Variants in ACOXL observed in about 807,000 individuals in gnomAD.
ACOXL encodes the protein acyl-CoA oxidase like, also known as acyl-coenzyme A oxidase-like protein.
Under a neutral mutation model 71.9 loss-of-function variants are expected in ACOXL, and 70 were observed. That is an observed-to-expected ratio of 0.97 (90% CI 0.80 to 1.19). The LOEUF is 1.19. Ranked by LOEUF, ACOXL falls within the 50% of genes most tolerant of loss-of-function variation. The pLI is 0.00. For synonymous variants in ACOXL, 253 were observed against 281.6 expected (o/e 0.90, Z 1.02); for missense variants, 703 against 736.3 (o/e 0.95, Z 0.52).
intron 1 of ACOXL, among the ~76,000 whole-genome samples, chr2:110,757,805 A>G (rs1447213059): frequency 6.6e-6 from 1 of 151,708 alleles, no homozygotes; most frequent in East Asian, 1.9e-4. Context: ...GACTTTCGTC[A>G]GATAGATCGA....
At chr2:110,861,143 A>T (rs575515275) in intron 10 of ACOXL, among the ~76,000 whole-genome samples, 1 of 152,288 alleles carries the variant, frequency 6.6e-6, no homozygotes, top group Admixed American at 6.5e-5. Context: ...CAACAACAAC[A>T]TCAACAATAA....
intron 10 of ACOXL, among the ~76,000 whole-genome samples, chr2:110,896,547 C>A (rs1023834713): frequency 7.2e-5 from 11 of 151,946 alleles, no homozygotes; most frequent in Admixed American, 7.2e-4. Context: ...ACATATCGTG[C>A]AAAGATTTGC....
At chr2:110,947,293 T>G (rs879900019) in intron 12 of ACOXL, among the ~76,000 whole-genome samples, 3 of 152,216 alleles carry the variant, frequency 2.0e-5, no homozygotes, top group Non-Finnish European at 4.4e-5. Context: ...CAAGCAAACC[T>G]AGATTGAATT....
At chr2:111,042,977 G>C (rs2065854731) in intron 15 of ACOXL, among the ~76,000 whole-genome samples, 1 of 152,218 alleles carries the variant, frequency 6.6e-6, no homozygotes, top group South Asian at 2.1e-4. Context: ...CCTGGAGGAA[G>C]CTGTCCCTTG....
At chr2:110,987,938 T>G (rs2063003856) in intron 13 of ACOXL, among the ~76,000 whole-genome samples, 2 of 152,138 alleles carry the variant, frequency 1.3e-5, no homozygotes, top group South Asian at 4.1e-4. Context: ...ACAAGAGTTT[T>G]TATAGGGCTT....
At chr2:111,102,856 A>G (rs1268389934) in intron 17 of ACOXL, among the ~76,000 whole-genome samples, 1 of 152,178 alleles carries the variant, frequency 6.6e-6, no homozygotes, top group African/African-American at 2.4e-5. Context: ...ATGTGTTTGT[A>G]GTTGCTTTTC....
At chr2:110,938,914 A>G (rs932849554) in intron 12 of ACOXL, among the ~76,000 whole-genome samples, 10 of 152,016 alleles carry the variant, frequency 6.6e-5, no homozygotes, top group Admixed American at 6.6e-5. Context: ...CCTACAGACT[A>G]CTCATAATGA....
At chr2:110,951,037 G>A (rs2061315481) in intron 12 of ACOXL, among the ~76,000 whole-genome samples, 1 of 152,104 alleles carries the variant, frequency 6.6e-6, no homozygotes. Flanking sequence ...ACTCTGAGAT[G>A]GTGTTTCTCA....
intron 3 of ACOXL, among the ~76,000 whole-genome samples, chr2:110,787,339 T>C (rs1394113468): frequency 1.3e-5 from 2 of 151,878 alleles, no homozygotes; most frequent in Non-Finnish European, 2.9e-5. Context: ...TTGAGACCAT[T>C]CTGGCTAACA....
intron 11 of ACOXL, among the ~76,000 whole-genome samples, chr2:110,917,545 T>C (rs1363692968): frequency 6.6e-6 from 1 of 152,242 alleles, no homozygotes; most frequent in East Asian, 1.9e-4. Flanking sequence ...TATTGGGAGT[T>C]CTGGCCAGGG....
chr2:110,738,596 A>G (rs771837233), intron 1 of ACOXL, among the ~76,000 whole-genome samples: 1 of 152,138 alleles, frequency 6.6e-6, no homozygotes, highest in Non-Finnish European at 1.5e-5. Flanking sequence ...GATCTGTTAT[A>G]TATGACTTGT....
intron 2 of ACOXL, among the ~76,000 whole-genome samples, chr2:110,777,420 C>T (rs1477933719): frequency 6.6e-6 from 1 of 152,164 alleles, no homozygotes; most frequent in Non-Finnish European, 1.5e-5. Context: ...GCTCATTTTA[C>T]AAGTCAGGGG....
intron 13 of ACOXL, among the ~76,000 whole-genome samples, chr2:110,995,040 T>C (rs1163862047): frequency 1.3e-5 from 2 of 150,608 alleles, no homozygotes; most frequent in Non-Finnish European, 3.0e-5. Context: ...TGATATATAA[T>C]ATATTTAATA....
In ACOXL at chr2:110,907,144, G is replaced by C. The variant is rs529230210; in HGVS notation, c.789-1645G>C. ...AAAAGTCAAGGCACTGACAGGTCTG[G>C]TGAGGGCGCTTTTCCTGGCCGGCAG... On this transcript the variant is annotated intron_variant, in intron 10 of 17. Coordinates refer to ENST00000439055, the MANE Select transcript of ACOXL (RefSeq NM_001142807.4). Among the ~76,000 whole-genome samples, 7 of 152,340 alleles carry C rather than the reference G, an allele frequency of 4.6e-5. No individual in the cohort carries two copies. In the South Asian group the frequency reaches 1.4e-3, roughly 32 times the overall value.
chr2:110,920,029 T>C (rs1218903041), intron 11 of ACOXL, among the ~76,000 whole-genome samples: 3 of 152,226 alleles, frequency 2.0e-5, no homozygotes, highest in Non-Finnish European at 4.4e-5. Flanking sequence ...TAAAAACTAT[T>C]CTCAACAAGT....
At chr2:110,943,720 C>T (rs2060985384) in intron 12 of ACOXL, among the ~76,000 whole-genome samples, 1 of 152,188 alleles carries the variant, frequency 6.6e-6, no homozygotes. Flanking sequence ...CCAAACCTGA[C>T]CTTCCTACGG....
At chr2:110,776,007 C>T (rs866932317) in intron 2 of ACOXL, among the ~76,000 whole-genome samples, 11 of 152,232 alleles carry the variant, frequency 7.2e-5, no homozygotes, top group Admixed American at 1.3e-4. Context: ...TAGAAACAAC[C>T]CAAATGTCAA....
At chr2:110,832,347 G>T (rs931314610) in intron 9 of ACOXL, among the ~76,000 whole-genome samples, 5 of 151,846 alleles carry the variant, frequency 3.3e-5, no homozygotes, top group Admixed American at 3.3e-4. Context: ...GACCATCCTG[G>T]CTAACAAGGT....
chr2:110,864,009 G>A (rs1296478492), intron 10 of ACOXL, among the ~76,000 whole-genome samples: 1 of 152,058 alleles, frequency 6.6e-6, no homozygotes, highest in Non-Finnish European at 1.5e-5. Context: ...CACTAGTGAG[G>A]ACAAGCTAAA....
Sources: allele counts gnomAD v4.1 joint callset (sites outside exome capture counted in the v4.1 genomes callset), GRCh38; gene constraint gnomAD v4.1.1; transcripts MANE v1.5; gene names NCBI Gene and HGNC (gene_info 2026-07-23, HGNC 2026-07-21).